Variants in SEPTIN3 observed in about 807,000 individuals in gnomAD.
SEPTIN3 encodes the protein septin 3, also known as neuronal-specific septin-3.
Under a neutral mutation model 45.1 loss-of-function variants are expected in SEPTIN3, and 15 were observed. That is an observed-to-expected ratio of 0.33 (90% CI 0.22 to 0.51). SEPTIN3 has a LOEUF of 0.51. Among genes scored for constraint, SEPTIN3 ranks in the 20% least tolerant of loss-of-function variants. SEPTIN3 has a pLI of 0.97. For missense variants in SEPTIN3, 289 were observed against 457.2 expected, an observed-to-expected ratio of 0.63 and a Z score of 3.35; for synonymous variants, 148 against 164.8, an observed-to-expected ratio of 0.90 and a Z score of 0.78.
At chr22:41,996,831 A>G in intron 11 of SEPTIN3, 71 bp from the exon 12 acceptor site, 1 of 1,600,158 alleles carries the variant, frequency 6.2e-7, no homozygotes, top group Non-Finnish European at 8.5e-7. Context: ...GCCTCCCTGG[A>G]GAAGGTATTT....
chr22:41,994,501 T>A lies in SEPTIN3; in HGVS notation c.2412-120T>A, dbSNP rs2078388659. ...CAAAATGGAAGGTGCTGTAGAAGAA[T>A]CCTTAGCTCCTGGGAGTGGTTCCCA... On this transcript the variant is annotated intron_variant, in intron 10 of 11. Coordinates refer to ENST00000644076, the MANE Select transcript of SEPTIN3 (RefSeq NM_001363845.2). The surrounding 1 kb of genome is among the most constrained non-coding windows in gnomAD (Gnocchi z 4.2). The A allele has an allele frequency of 6.5e-7, 1 of 1,547,602 alleles. No individual in the cohort carries two copies. The highest frequency in any genetic ancestry group is 1.4e-5 in the African/African-American group (1 of 73,502).
intron 9 of SEPTIN3, 133 bp downstream of exon 9, chr22:41,992,896 G>A (rs2078341583): frequency 1.5e-6 from 1 of 668,560 alleles, no homozygotes; most frequent in Non-Finnish European, 2.7e-6. Context: ...CCCATAAGGA[G>A]CTTACAGTCT....
chr22:41,987,409 C>G, intron 5 of SEPTIN3, 122 bp downstream of exon 5: 1 of 1,129,452 alleles, frequency 8.9e-7, no homozygotes. Flanking sequence ...TCCCGACAGC[C>G]CAGGCCAGGG....
intron 9 of SEPTIN3, among the ~76,000 whole-genome samples, chr22:41,993,653 G>A (rs1459641942): frequency 1.3e-5 from 2 of 152,142 alleles, no homozygotes; most frequent in East Asian, 1.9e-4. Flanking sequence ...ACCATGCCTG[G>A]TGATTTTATT....
At chr22:41,981,584 C>T (rs565656060) in intron 2 of SEPTIN3, 61 bp from the exon 3 acceptor site, 5 of 1,392,060 alleles carry the variant, frequency 3.6e-6, no homozygotes, top group Non-Finnish European at 3.9e-6. Context: ...ACCATGGTTT[C>T]CATGTGACCT....
rs533927841 is a variant in SEPTIN3 at position 41,971,851 on chromosome 22, G to A, written c.359G>A (p.Arg120Gln). 4.7e-4 allele frequency: 188 copies of A among 399,200 alleles called. No individual in the cohort carries two copies. Among genetic ancestry groups the A allele is most frequent in the Non-Finnish European group, 6.8e-4 (153 of 226,220 alleles). The allele number at this position is 399,200 out of a possible 1,614,324, so 24.7% of individuals were successfully genotyped here. A position where few individuals can be genotyped will look rare whatever the true frequency, so the allele number is the denominator to read the frequency against. Reference sequence around the variant, plus strand: ...ACTCTCCATCAGAACAGCCAGGCACGGTCCCTGGATCGCCCACTTTCTCAC... The same window carrying A: ...ACTCTCCATCAGAACAGCCAGGCACAGTCCCTGGATCGCCCACTTTCTCAC... ...SLTLHQNSQA[R>Q]SLDRPLSHWE... is the part of the protein sequence containing the mutation. The change falls in exon 2 of 12, where the codon CGG (arginine) becomes CAG (glutamine). Residue 120 changes from arginine to glutamine, a missense_variant. This residue lies in a region of SEPTIN3 where 200 missense variants were observed against 315.1 expected (regional missense o/e 0.63). Transcript: ENST00000644076.
intron 9 of SEPTIN3, among the ~76,000 whole-genome samples, chr22:41,993,279 T>C (rs550039069): frequency 6.6e-6 from 1 of 152,200 alleles, no homozygotes; most frequent in South Asian, 2.1e-4. Flanking sequence ...TTAAAAGCCT[T>C]GTCCAAAGCA....
At chr22:41,990,713 T>G (rs950341954) in intron 7 of SEPTIN3, among the ~76,000 whole-genome samples, 2 of 124,946 alleles carry the variant, frequency 1.6e-5, no homozygotes, top group Non-Finnish European at 3.2e-5. Context: ...GCTACTGTAC[T>G]CCAGCCTGGG....
intron 9 of SEPTIN3, among the ~76,000 whole-genome samples, chr22:41,993,979 T>C (rs746644131): frequency 6.6e-6 from 1 of 152,264 alleles, no homozygotes; most frequent in Non-Finnish European, 1.5e-5. Flanking sequence ...AAGTGTATCT[T>C]AGGCCTTGGC....
intron 6 of SEPTIN3, among the ~76,000 whole-genome samples, chr22:41,988,744 T>C (rs1266071927): frequency 6.6e-6 from 1 of 151,966 alleles, no homozygotes; most frequent in East Asian, 1.9e-4. Flanking sequence ...TGTCAGATTG[T>C]GGGAAGGGCA....
intron 6 of SEPTIN3, among the ~76,000 whole-genome samples, chr22:41,989,127 A>AG (rs2078258308): frequency 5.9e-5 from 1 of 16,984 alleles, no homozygotes; most frequent in South Asian, 3.0e-3. Flanking sequence ...ACCCTGTCTC[A>AG]AAAAAAAAAA....
rs1427645991 is a variant in SEPTIN3 at position 41,994,207 on chromosome 22, G to C, written c.2360-83G>C. 5.1e-6 allele frequency: 7 copies of C among 1,365,184 alleles called. No individual in the cohort carries two copies. The African/African-American group carries it at 5.7e-5, about 11-fold the overall frequency. 84.6% of individuals were successfully genotyped at this position (1,365,184 alleles called of 1,614,324 possible). On this transcript the variant is annotated intron_variant, in intron 9 of 11. Coordinates refer to ENST00000644076, the MANE Select transcript of SEPTIN3 (RefSeq NM_001363845.2). The surrounding 1 kb of genome is among the most constrained non-coding windows in gnomAD (Gnocchi z 4.2). ...ATAGCTTTCTCCTAAATGCCTCCGTGACCCAAACAGAAGCTCACCTCCTGG... is the reference window on the plus strand; with the variant it reads ...ATAGCTTTCTCCTAAATGCCTCCGTCACCCAAACAGAAGCTCACCTCCTGG...
chr22:41,985,836 C>A, intron 3 of SEPTIN3, 148 bp from the exon 4 acceptor site: 1 of 921,212 alleles, frequency 1.1e-6, no homozygotes, highest in Non-Finnish European at 1.6e-6. Flanking sequence ...TGCCTGCAAT[C>A]CCCACTCAGC....
rs936612039 is a variant in SEPTIN3, at chr22:41,972,691, C to T, written c.1199C>T (p.Thr400Ile). 12 of 398,976 alleles carry T rather than the reference C, an allele frequency of 3.0e-5. No individual in the cohort carries two copies. The highest frequency in any genetic ancestry group is 4.9e-5 in the Non-Finnish European group (11 of 226,138). The allele number at this position is 398,976 out of a possible 1,614,324, so 24.7% of individuals were successfully genotyped here. A position where few individuals can be genotyped will look rare whatever the true frequency, so the allele number is the denominator to read the frequency against. ...KPDTITATVG[T>I]SRLETAMALA... is the part of the protein sequence containing the mutation. ...GACACAATCACAGCTACAGTGGGCA[C>T]CAGTAGGTTGGAAACAGCCATGGCT... The change falls in exon 2 of 12, where the codon ACC (threonine) becomes ATC (isoleucine). Residue 400 changes from threonine to isoleucine, a missense_variant. Coordinates refer to ENST00000644076, the MANE Select transcript of SEPTIN3 (RefSeq NM_001363845.2).
In SEPTIN3 at chr22:41,997,233, A is replaced by G; in HGVS notation, c.*266A>G. ...CGGTCCTAGCCCATCTGCAGGGTGA[A>G]AGAACTCATCAAGAGCTCCTTCTGC... On this transcript the variant is annotated 3_prime_UTR_variant, in exon 12 of 12. Transcript: ENST00000644076. The G allele has an allele frequency of 1.9e-6, 1 of 528,888 alleles. No homozygotes were observed. Among genetic ancestry groups the G allele is most frequent in the South Asian group, 2.6e-5 (1 of 38,246 alleles). 32.8% of individuals were successfully genotyped at this position (528,888 alleles called of 1,614,324 possible). A position where few individuals can be genotyped will look rare whatever the true frequency, so the allele number is the denominator to read the frequency against.
chr22:41,997,156 C>A lies in SEPTIN3; in HGVS notation c.*189C>A. On this transcript the variant is annotated 3_prime_UTR_variant, in exon 12 of 12. Transcript: ENST00000644076. The stretch of plus-strand genomic sequence containing the variant: ...ATTTATCCAAACCACTCCTCTCCTC[C>A]CAGTGGAGTGGGGTTCTGCCAGTAC... 17 of 1,096,054 alleles carry A rather than the reference C, an allele frequency of 1.6e-5. No individual in the cohort carries two copies. The highest frequency in any genetic ancestry group is 2.6e-5 in the Admixed American group (1 of 37,892). 67.9% of individuals were successfully genotyped at this position (1,096,054 alleles called of 1,614,324 possible).
chr22:41,987,055 C>A, intron 4 of SEPTIN3, 151 bp from the exon 5 acceptor site: 1 of 568,516 alleles, frequency 1.8e-6, no homozygotes, highest in Non-Finnish European at 3.2e-6. Flanking sequence ...CAGCATAAGC[C>A]ATGATATCGA....
In SEPTIN3 at chr22:41,995,483, T is replaced by A. The variant is rs976627809; in HGVS notation, c.2505+769T>A. On this transcript the variant is annotated intron_variant, in intron 11 of 11. Transcript: ENST00000644076. Reference sequence around the variant, plus strand: ...TGCCAGGCCACTGCCTGTCTCTGCTTCCGACTTTGTCTTCTTTCTCCCTTT... The same window carrying A: ...TGCCAGGCCACTGCCTGTCTCTGCTACCGACTTTGTCTTCTTTCTCCCTTT... 8 of 985,458 alleles carry A rather than the reference T, an allele frequency of 8.1e-6. No homozygotes were observed. In the African/African-American group the frequency reaches 1.2e-4, roughly 15 times the overall value. 61.0% of individuals were successfully genotyped at this position (985,458 alleles called of 1,614,324 possible). A position where few individuals can be genotyped will look rare whatever the true frequency, so the allele number is the denominator to read the frequency against.
Position 41,998,177 on chromosome 22 carries a change from A to G in SEPTIN3, c.*1210A>G, listed in dbSNP as rs925224735. On this transcript the variant is annotated 3_prime_UTR_variant, in exon 12 of 12. Coordinates refer to ENST00000644076, the MANE Select transcript of SEPTIN3 (RefSeq NM_001363845.2). ...TCAAACTGGTCCTGTAATTGTTGCT[A>G]GACTTTATGTGTTGTACAACTAAAC... 6.5e-6 allele frequency: 1 copy of G among 152,702 alleles called. No individual in the cohort carries two copies. The highest frequency in any genetic ancestry group is 6.5e-5 in the Admixed American group (1 of 15,286). 9.5% of individuals were successfully genotyped at this position (152,702 alleles called of 1,614,324 possible). A position where few individuals can be genotyped will look rare whatever the true frequency, so the allele number is the denominator to read the frequency against.
Sources: gnomAD v4.1 joint callset for allele counts (sites outside exome capture counted in the v4.1 genomes callset) on GRCh38, gnomAD v4.1.1 for gene constraint, gnomAD v4.1.1 regional missense constraint, Gnocchi (gnomAD v3.1) non-coding constraint, MANE v1.5 for transcripts, NCBI Gene and HGNC (gene_info 2026-07-23, HGNC 2026-07-21) for gene names.